SPRED2: variants seen among roughly 807,000 people sequenced by gnomAD.
The protein encoded by SPRED2 is sprouty-related, EVH1 domain-containing protein 2.
A neutral mutation model predicts 43.0 loss-of-function variants in SPRED2; 47 were observed. The observed-to-expected ratio is 1.09, with a 90% CI of 0.87 to 1.40. The LOEUF (loss-of-function observed/expected upper bound fraction) is 1.40, where lower values mean the gene tolerates loss of function less well. Among genes scored for constraint, SPRED2 ranks in the 40% most tolerant of loss-of-function variants. SPRED2 has a pLI of 0.00. For missense variants in SPRED2, 561 were observed against 586.4 expected, an observed-to-expected ratio of 0.96 and a Z score of 0.45; for synonymous variants, 225 against 225.7, an observed-to-expected ratio of 1.00 and a Z score of 0.03.
At chr2:65,366,096 G>A (rs1012888803) in intron 1 of SPRED2, among the ~76,000 whole-genome samples, 1 of 152,104 alleles carries the variant, frequency 6.6e-6, no homozygotes, top group African/African-American at 2.4e-5. Flanking sequence ...AAGCTTTCTT[G>A]CATTAAGTCA....
intron 1 of SPRED2, among the ~76,000 whole-genome samples, chr2:65,406,925 GTCTC>G (rs1362884515): frequency 6.6e-6 from 1 of 151,088 alleles, no homozygotes; most frequent in African/African-American, 2.4e-5. Flanking sequence ...GGAAAGTTTA[GTCTC>G]TCTTTTTTTT....
At chr2:65,367,794 A>C (rs1325912952) in intron 1 of SPRED2, among the ~76,000 whole-genome samples, 1 of 152,126 alleles carries the variant, frequency 6.6e-6, no homozygotes, top group Non-Finnish European at 1.5e-5. Flanking sequence ...GCTTCCTTAC[A>C]AGGTTTTGGA....
chr2:65,413,175 G>C (rs1396986564), intron 1 of SPRED2, among the ~76,000 whole-genome samples: 1 of 152,172 alleles, frequency 6.6e-6, no homozygotes, highest in Non-Finnish European at 1.5e-5. Context: ...CAAGGGGAGA[G>C]ATGTTTCTCC....
Position 65,432,027 on chromosome 2 carries a change from T to C in SPRED2, c.-40A>G, listed in dbSNP as rs767119087. 1.9e-5 allele frequency: 30 copies of C among 1,613,408 alleles called. No individual in the cohort carries two copies. The highest frequency in any genetic ancestry group is 2.5e-5 in the Non-Finnish European group (30 of 1,179,830). ...AGACGCCTGTCCCGCGGCGGGCAGC[T>C]TTGCTCCCTTCATCTTCCTGTCCGC... is the stretch of plus-strand genomic sequence containing the variant. On this transcript the variant is annotated 5_prime_UTR_variant, in exon 1 of 6. Transcript: ENST00000356388.
At chr2:65,384,317 C>G (rs1675442113) in intron 1 of SPRED2, among the ~76,000 whole-genome samples, 1 of 152,166 alleles carries the variant, frequency 6.6e-6, no homozygotes, top group Non-Finnish European at 1.5e-5. Context: ...TGGCTCCCTA[C>G]TGCTTATGGA....
At chr2:65,325,908 G>A (rs1312873379) in intron 4 of SPRED2, among the ~76,000 whole-genome samples, 3 of 152,000 alleles carry the variant, frequency 2.0e-5, no homozygotes, top group Admixed American at 2.0e-4. Context: ...ACTTGAACCC[G>A]GGAGGCGGAG....
chr2:65,327,871 C>CATG (rs1372362588), intron 4 of SPRED2, among the ~76,000 whole-genome samples: 11 of 151,532 alleles, frequency 7.3e-5, no homozygotes, highest in Non-Finnish European at 1.6e-4. Context: ...TTACAGGGGC[C>CATG]CGCCATCATG....
At chr2:65,397,759 G>A (rs1675790658) in intron 1 of SPRED2, among the ~76,000 whole-genome samples, 1 of 151,916 alleles carries the variant, frequency 6.6e-6, no homozygotes, top group Non-Finnish European at 1.5e-5. Flanking sequence ...CCACTCCAAA[G>A]TACCTGAGCT....
At chr2:65,308,530 T>TTTC (rs1672987206), downstream of SPRED2, 2 of 985,412 alleles carry the variant, frequency 2.0e-6, no homozygotes, top group African/African-American at 3.5e-5. Flanking sequence ...CTTCTGTGCC[T>TTTC]TGAAAGAGGT....
rs1231582359 is a variant in SPRED2, at chr2:65,311,002, T to G, written c.*2499A>C. On this transcript the variant is annotated 3_prime_UTR_variant, in exon 6 of 6. Transcript: ENST00000356388. ...TTTACACAGAGGTAAAAAGGCTTAT[T>G]ATAAAAAAATCAATACAACAGGGTT... 1 of 984,232 alleles carries G rather than the reference T, an allele frequency of 1.0e-6. No homozygotes were observed. The highest frequency in any genetic ancestry group is 1.2e-6 in the Non-Finnish European group (1 of 828,462). The allele number at this position is 984,232 out of a possible 1,614,324, so 61.0% of individuals were successfully genotyped here.
intron 1 of SPRED2, among the ~76,000 whole-genome samples, chr2:65,416,189 A>G (rs1486115186): frequency 6.6e-6 from 1 of 152,206 alleles, no homozygotes; most frequent in African/African-American, 2.4e-5. Context: ...TTCAGATTCA[A>G]TCGGTCTACG....
At chr2:65,387,928 G>C (rs928702222) in intron 1 of SPRED2, among the ~76,000 whole-genome samples, 1 of 152,044 alleles carries the variant, frequency 6.6e-6, no homozygotes, top group South Asian at 2.1e-4. Context: ...AAGTAGCTGG[G>C]ATTACACATG....
chr2:65,408,140 C>A (rs17030248), intron 1 of SPRED2, among the ~76,000 whole-genome samples: 13,326 of 152,210 alleles, frequency 0.088, 1,067 homozygotes, highest in African/African-American at 0.2. Flanking sequence ...AGATCCTTCC[C>A]TTCTGCCCAG....
chr2:65,387,233 G>T (rs1163637587), intron 1 of SPRED2, among the ~76,000 whole-genome samples: 4 of 152,186 alleles, frequency 2.6e-5, no homozygotes, highest in Non-Finnish European at 5.9e-5. Flanking sequence ...CTACATTGCT[G>T]ACCGGAACAA....
intron 2 of SPRED2, among the ~76,000 whole-genome samples, chr2:65,340,241 G>T (rs1674138740): frequency 6.6e-6 from 1 of 152,140 alleles, no homozygotes; most frequent in Non-Finnish European, 1.5e-5. Context: ...TAAAATTTTG[G>T]AGTGTAAAGG....
intron 1 of SPRED2, among the ~76,000 whole-genome samples, chr2:65,408,215 C>T (rs899787719): frequency 4.6e-5 from 7 of 152,192 alleles, no homozygotes; most frequent in African/African-American, 4.8e-5. Flanking sequence ...AATGATCACC[C>T]GGCATGTATT....
intron 1 of SPRED2, among the ~76,000 whole-genome samples, chr2:65,400,971 T>G (rs1371480466): frequency 6.6e-6 from 1 of 152,052 alleles, no homozygotes; most frequent in African/African-American, 2.4e-5. Flanking sequence ...TTTTAAAATT[T>G]TTATTAGTTT....
At chr2:65,408,310 T>A (rs1208759136) in intron 1 of SPRED2, among the ~76,000 whole-genome samples, 2 of 152,294 alleles carry the variant, frequency 1.3e-5, no homozygotes, top group East Asian at 3.9e-4. Context: ...ATACTATGAG[T>A]CCTATTTGAC....
In SPRED2 at chr2:65,313,317, G is replaced by A; in HGVS notation, c.*184C>T. 6.9e-7 allele frequency: 1 copy of A among 1,442,910 alleles called. No individual in the cohort carries two copies. Among genetic ancestry groups the A allele is most frequent in the Non-Finnish European group, 9.0e-7 (1 of 1,105,634 alleles). 89.4% of individuals were successfully genotyped at this position (1,442,910 alleles called of 1,614,324 possible). ...GTGGCTGCTGCAGTGTGGGCGGCAGGGGGAGTGGAGAGTCTACCCGGCAGC... is the reference window on the plus strand; with the variant it reads ...GTGGCTGCTGCAGTGTGGGCGGCAGAGGGAGTGGAGAGTCTACCCGGCAGC... On this transcript the variant is annotated 3_prime_UTR_variant, in exon 6 of 6. Transcript: ENST00000356388.
Sources: gnomAD v4.1 joint callset for allele counts (sites outside exome capture counted in the v4.1 genomes callset) on GRCh38, gnomAD v4.1.1 for gene constraint, MANE v1.5 for transcripts, NCBI Gene and HGNC (gene_info 2026-07-23, HGNC 2026-07-21) for gene names.